DNAH17: variants seen among roughly 807,000 people sequenced by gnomAD.
DNAH17 encodes the protein dynein axonemal heavy chain 17, also known as axonemal beta dynein heavy chain 17.
DNAH17 carries 376 observed loss-of-function variants against 485.6 expected under a neutral mutation model. That is an observed-to-expected ratio of 0.77 (90% CI 0.71 to 0.84). The LOEUF is 0.84. Ranked by LOEUF, DNAH17 falls within the 40% of genes least tolerant of loss-of-function variation. The pLI is 0.00. For missense variants in DNAH17, 6,370 were observed against 5,839.3 expected (o/e 1.09, Z -2.96); for synonymous variants, 3,031 against 2,405.9 (o/e 1.26, Z -7.60).
In DNAH17 at chr17:78,537,171, C is replaced by A. The variant is rs1281514377; in HGVS notation, c.2859+128G>T. ...CCAGCCTGGGCGACAGAGTGAGATT[C>A]CGTCTCAAAAAAAAAAAAAGAAAAA... is the stretch of plus-strand genomic sequence containing the variant. On this transcript the variant is annotated intron_variant, in intron 19 of 80. Transcript: ENST00000389840. 1.3e-5 allele frequency: 14 copies of A among 1,047,482 alleles called. No homozygotes were observed. In the African/African-American group the frequency reaches 1.8e-4, roughly 13 times the overall value. The allele number at this position is 1,047,482 out of a possible 1,614,324, so 64.9% of individuals were successfully genotyped here. A position where few individuals can be genotyped will look rare whatever the true frequency, so the allele number is the denominator to read the frequency against.
At position 78,541,982 on chromosome 17, in the gene DNAH17, A is replaced by C. The variant is rs538863364; in HGVS notation, c.2532+1875T>G. 2.0e-5 allele frequency among the ~76,000 whole-genome samples: 3 copies of C among 152,176 alleles called. No homozygotes were observed. The South Asian group carries it at 6.2e-4, about 32-fold the overall frequency. ...AGTCAAGTCACTTCCTGGGGTGACG[A>C]TCTTTAGAGCAATGATGTGACAATA... On this transcript the variant is annotated intron_variant, in intron 17 of 80. Transcript: ENST00000389840.
intron 54 of DNAH17, among the ~76,000 whole-genome samples, chr17:78,469,242 C>T (rs139388096): frequency 0.036 from 5,402 of 152,162 alleles, 194 homozygotes; most frequent in African/African-American, 0.085. Context: ...CCCAGGTTCA[C>T]GCCATTCTCC....
rs1013938569 is a variant in DNAH17 at position 78,450,839 on chromosome 17, A to G, written c.10742T>C (p.Leu3581Pro). ...CTTAAATTCGTTTTGAGACTTGGTG[A>G]GGTTTGCCTGCAAGGGGAGGTGCAG... ...RPDLEQLKAN[L>P]TKSQNEFKIV... is the part of the protein sequence containing the mutation. Residue 3581 changes from leucine (L) to proline (P), a missense_variant, in exon 67 of 81, where the codon CTC becomes CCC. Transcript: ENST00000389840. The G allele has an allele frequency of 6.2e-7, 1 of 1,613,896 alleles. No individual in the cohort carries two copies.
At chr17:78,544,490 G>A (rs1264243607) in intron 16 of DNAH17, among the ~76,000 whole-genome samples, 1 of 152,160 alleles carries the variant, frequency 6.6e-6, no homozygotes, top group Non-Finnish European at 1.5e-5. Flanking sequence ...CCCTGCAAGT[G>A]GGAGTTCTAC....
At chr17:78,429,641 G>C (rs924363974) in intron 75 of DNAH17, among the ~76,000 whole-genome samples, 1 of 152,166 alleles carries the variant, frequency 6.6e-6, no homozygotes, top group African/African-American at 2.4e-5. Flanking sequence ...CTGTGCCTCA[G>C]AGGCCACAGG....
At chr17:78,575,707 CG>C (rs901436143) in intron 1 of DNAH17, among the ~76,000 whole-genome samples, 1 of 151,958 alleles carries the variant, frequency 6.6e-6, no homozygotes, top group Non-Finnish European at 1.5e-5. Context: ...CTCAGATGCT[CG>C]GGGGTAGGGT....
chr17:78,567,167 C>T lies in DNAH17; in HGVS notation c.1285-1G>A. ...ACTCAATTGCTGTTTTATAGAGTTC[C>T]TAGTGGAGGAGAAAAACACAGTCAA... On this transcript the variant is annotated splice_acceptor_variant, in intron 9 of 80. Transcript: ENST00000389840. LOFTEE classifies it high-confidence loss of function. 6.3e-7 allele frequency: 1 copy of T among 1,593,990 alleles called. No individual in the cohort carries two copies. The highest frequency in any genetic ancestry group is 1.1e-5 in the South Asian group (1 of 87,728).
In DNAH17 at chr17:78,571,337, C is replaced by T. The variant is rs1268917181; in HGVS notation, c.774G>A (p.Glu258=). 6.2e-7 allele frequency: 1 copy of T among 1,613,830 alleles called. No homozygotes were observed. The highest frequency in any genetic ancestry group is 1.3e-5 in the African/African-American group (1 of 74,930). ...PKVNKIVEIL[E]KAKSCYWPAL... ...CTGGCCAGTAGCAGCTTTTGGCTTT[C>T]TCTAGGATCTCAACAATCTTGTTCA... The change falls in exon 5 of 81, where the codon GAG becomes GAA. Residue 258 remains glutamate, a synonymous_variant. Transcript: ENST00000389840.
chr17:78,464,795 T>C (rs61039823), intron 56 of DNAH17, among the ~76,000 whole-genome samples: 6,501 of 152,270 alleles, frequency 0.043, 476 homozygotes, highest in African/African-American at 0.15. Flanking sequence ...CCGGGGCTGA[T>C]TGGAAACCAC....
rs2090513998 is a variant in DNAH17 at position 78,507,352 on chromosome 17, T to C, written c.4602A>G (p.Ala1534=). Residue 1534 remains alanine (A), a synonymous_variant, in exon 29 of 81, where the codon GCA becomes GCG. Coordinates refer to ENST00000389840, the MANE Select transcript of DNAH17 (RefSeq NM_173628.4). ...CTTCCACCACGTTGGGTGTTTTCAC[T>C]GCATCTTCCATCAAGGCCTGGGAAG... The part of the protein sequence containing the change: ...NQEFKALMED[A]VKTPNVVEAT... 1.2e-6 allele frequency: 2 copies of C among 1,614,034 alleles called. No individual in the cohort carries two copies. The highest frequency in any genetic ancestry group is 1.7e-6 in the Non-Finnish European group (2 of 1,179,892).
At chr17:78,559,204 C>T (rs1012406159) in intron 13 of DNAH17, among the ~76,000 whole-genome samples, 1 of 152,208 alleles carries the variant, frequency 6.6e-6, no homozygotes. Flanking sequence ...GTGTGGGTGG[C>T]TCCCACGTTT....
In DNAH17 at chr17:78,454,552, C is replaced by T. The variant is rs762808454; in HGVS notation, c.10324G>A (p.Val3442Met). 27 of 1,613,058 alleles carry T rather than the reference C, an allele frequency of 1.7e-5. No homozygotes were observed. In the Admixed American group the frequency reaches 2.2e-4, roughly 13 times the overall value. ...TTGATTCCTTGGAGCTGGGCGTCCA[C>T]GATCAGCGGCCACCGCTCGGTGTTG... ...LGNTERWPLI[V>M]DAQLQGIKWI... The change falls in exon 64 of 81, where the codon GTG (valine) becomes ATG (methionine). Residue 3442 changes from valine to methionine, a missense_variant. Coordinates refer to ENST00000389840, the MANE Select transcript of DNAH17 (RefSeq NM_173628.4).
rs566426350 is a variant in DNAH17 at position 78,464,786 on chromosome 17, C to T, written c.8941-1709G>A. ...ACTGGCCCTGGAGCCTTGGCTGCGC[C>T]GGGGCTGATTGGAAACCACCCCTCC... On this transcript the variant is annotated intron_variant, in intron 56 of 80. Transcript: ENST00000389840. Among the ~76,000 whole-genome samples the T allele has an allele frequency of 1.1e-3, 167 of 152,306 alleles. 1 individual carries two copies. Among genetic ancestry groups the T allele is most frequent in the African/African-American group, 3.5e-3 (147 of 41,562 alleles).
chr17:78,480,831 G>A, intron 48 of DNAH17, 45 bp from the exon 49 acceptor site: 1 of 1,422,654 alleles, frequency 7.0e-7, no homozygotes. Context: ...TGGCCTGGAG[G>A]AACCATCCCC....
chr17:78,455,542 C>T, intron 63 of DNAH17, 102 bp downstream of exon 63: 1 of 846,120 alleles, frequency 1.2e-6, no homozygotes, highest in Non-Finnish European at 1.7e-6. Flanking sequence ...GGCCAGGCTG[C>T]TCATGAACTC....
At chr17:78,516,278 T>C (rs1461429602) in intron 25 of DNAH17, among the ~76,000 whole-genome samples, 1 of 152,230 alleles carries the variant, frequency 6.6e-6, no homozygotes, top group African/African-American at 2.4e-5. Flanking sequence ...AATGCTGTCA[T>C]CTCCTGGGAA....
chr17:78,510,491 A>G lies in DNAH17; in HGVS notation c.4129T>C (p.Ser1377Pro), dbSNP rs775246701. 1 of 1,613,856 alleles carries G rather than the reference A, an allele frequency of 6.2e-7. No homozygotes were observed. The highest frequency in any genetic ancestry group is 8.5e-7 in the Non-Finnish European group (1 of 1,179,820). Reference protein sequence around the residue: ...MQATQVKFKMSEETTLADLLQ... With the variant: ...MQATQVKFKMPEETTLADLLQ... ...AAATCTGCCAGGGTCGTCTCTTCTG[A>G]CATTTTAAATTTCACCTAAGGGAAA... Residue 1377 changes from serine (S) to proline (P), a missense_variant, in exon 27 of 81, where the codon TCA (serine) becomes CCA (proline). Transcript: ENST00000389840.
chr17:78,522,611 C>T (rs892960543), intron 25 of DNAH17: 1 of 262,514 alleles, frequency 3.8e-6, no homozygotes, highest in Non-Finnish European at 7.5e-6. Context: ...AACACCCACG[C>T]CGACTTCACC....
At chr17:78,488,331 G>A (rs1244463359) in intron 44 of DNAH17, among the ~76,000 whole-genome samples, 2 of 152,200 alleles carry the variant, frequency 1.3e-5, no homozygotes, top group African/African-American at 4.8e-5. Flanking sequence ...GGCTGCTCCT[G>A]CTGTCTGGGG....
Sources: allele counts gnomAD v4.1 joint callset (sites outside exome capture counted in the v4.1 genomes callset), GRCh38; gene constraint gnomAD v4.1.1; transcripts MANE v1.5; gene names NCBI Gene and HGNC (gene_info 2026-07-23, HGNC 2026-07-21).